Variants in FECH observed in about 807,000 individuals in gnomAD.
FECH encodes ferrochelatase, also known as ferrochelatase, mitochondrial.
FECH carries 40 observed loss-of-function variants against 56.9 expected under a neutral mutation model. The ratio of observed to expected loss-of-function variants is 0.70; its 90% CI spans 0.55 to 0.92. FECH has a LOEUF of 0.92. FECH is among the 40% of genes least tolerant of loss of function. The pLI, the probability that FECH is intolerant of heterozygous loss-of-function variation, is 0.00. For synonymous variants in FECH, 175 were observed against 198.6 expected (o/e 0.88, Z 1.00); for missense variants, 431 against 529.1 (o/e 0.81, Z 1.82).
At chr18:57,551,610 C>T (rs913961715) in intron 9 of FECH, among the ~76,000 whole-genome samples, 2 of 152,170 alleles carry the variant, frequency 1.3e-5, no homozygotes, top group Admixed American at 6.5e-5. Flanking sequence ...TTCCCCATTA[C>T]CTTCCTAAAG....
chr18:57,570,340 A>G (rs760505037), intron 4 of FECH, among the ~76,000 whole-genome samples: 1 of 152,210 alleles, frequency 6.6e-6, no homozygotes, highest in Non-Finnish European at 1.5e-5. Context: ...CCACAGCTTT[A>G]AGCAGGAAGC....
chr18:57,573,740 T>C (rs1364972946), intron 2 of FECH, among the ~76,000 whole-genome samples: 2 of 152,098 alleles, frequency 1.3e-5, no homozygotes, highest in South Asian at 2.1e-4. Flanking sequence ...AATACAGAGG[T>C]TACCTGACCT....
intron 2 of FECH, among the ~76,000 whole-genome samples, chr18:57,575,939 A>G (rs1568152745): frequency 6.6e-6 from 1 of 152,192 alleles, no homozygotes; most frequent in Non-Finnish European, 1.5e-5. Flanking sequence ...TTACAATGAG[A>G]TCAGGGATTT....
In FECH at chr18:57,566,495, T is replaced by C; in HGVS notation, c.550A>G (p.Arg184Gly). 2 of 1,614,218 alleles carry C rather than the reference T, an allele frequency of 1.2e-6. No individual in the cohort carries two copies. The highest frequency in any genetic ancestry group is 1.7e-6 in the Non-Finnish European group (2 of 1,180,034). Residue 184 changes from arginine (R) to glycine (G), a missense_variant, in exon 5 of 11, where the codon AGG (arginine) becomes GGG (glycine). Coordinates refer to ENST00000262093, the MANE Select transcript of FECH (RefSeq NM_000140.5). ...IEEMERDGLE[R>G]AIAFTQYPQY... ...GGATACTGTGTGAAAGCAATAGCCC[T>C]TTCTAGGCCATCTCTCTCCATCTCT...
intron 5 of FECH, among the ~76,000 whole-genome samples, chr18:57,563,968 T>C (rs2050983576): frequency 6.6e-6 from 1 of 152,194 alleles, no homozygotes; most frequent in South Asian, 2.1e-4. Flanking sequence ...AACCTCCAAC[T>C]CTTGGGTTCA....
intron 7 of FECH, among the ~76,000 whole-genome samples, chr18:57,557,198 TG>T (rs1251525240): frequency 1.3e-5 from 2 of 152,250 alleles, no homozygotes. Flanking sequence ...AGAGGGTATA[TG>T]TACTCTTTTA....
chr18:57,554,730 A>T, intron 8 of FECH, 115 bp downstream of exon 8: 1 of 859,096 alleles, frequency 1.2e-6, no homozygotes, highest in Non-Finnish European at 2.0e-6. Context: ...ATGGTGAGCA[A>T]TCAGGTTATG....
chr18:57,547,637 T>C lies in FECH; in HGVS notation c.*3075A>G, dbSNP rs1410524048. Among the ~76,000 whole-genome samples the C allele has an allele frequency of 2.6e-5, 4 of 151,864 alleles. No individual in the cohort carries two copies. The highest frequency in any genetic ancestry group is 5.9e-5 in the Non-Finnish European group (4 of 67,968). ...TGACCCAGTCTCTGTATTTCTTTTC[T>C]TTTTTTTGGTTTTGGGACAGGGTCT... is the stretch of plus-strand genomic sequence containing the variant. On this transcript the variant is annotated 3_prime_UTR_variant, in exon 11 of 11. Coordinates refer to ENST00000262093, the MANE Select transcript of FECH (RefSeq NM_000140.5).
rs1306454480 is a variant in FECH at position 57,544,465 on chromosome 18, A to ACTTT, written c.*6243_*6246dup. ...CAAATAATAATAAAATACACAATAC[A>ACTTT]CTTTCCTACAAATTCCATATAGTCA... On this transcript the variant is annotated 3_prime_UTR_variant, in exon 11 of 11. Coordinates refer to ENST00000262093, the MANE Select transcript of FECH (RefSeq NM_000140.5). 3.3e-5 allele frequency among the ~76,000 whole-genome samples: 5 copies of ACTTT among 152,248 alleles called. No homozygotes were observed. The highest frequency in any genetic ancestry group is 1.2e-4 in the African/African-American group (5 of 41,466).
At chr18:57,568,215 C>T (rs2051044117) in intron 4 of FECH, among the ~76,000 whole-genome samples, 1 of 152,176 alleles carries the variant, frequency 6.6e-6, no homozygotes, top group South Asian at 2.1e-4. Flanking sequence ...ACCGGCTTCT[C>T]GCATTTTCTT....
At chr18:57,574,727 C>T (rs895590260) in intron 2 of FECH, among the ~76,000 whole-genome samples, 1 of 152,232 alleles carries the variant, frequency 6.6e-6, no homozygotes, top group African/African-American at 2.4e-5. Context: ...GAAGACCTTG[C>T]GTGTCCCCAT....
In FECH at chr18:57,545,762, T is replaced by A. The variant is rs2050712806; in HGVS notation, c.*4950A>T. On this transcript the variant is annotated 3_prime_UTR_variant, in exon 11 of 11. Coordinates refer to ENST00000262093, the MANE Select transcript of FECH (RefSeq NM_000140.5). ...TGCATATGGAAAAGAAGCACAACAT[T>A]TAAGGCAAAGATCAGATAATAGCCG... Among the ~76,000 whole-genome samples, 1 of 152,150 alleles carries A rather than the reference T, an allele frequency of 6.6e-6. No homozygotes were observed. Among genetic ancestry groups the A allele is most frequent in the South Asian group, 2.1e-4 (1 of 4,824 alleles).
chr18:57,550,966 G>T, intron 10 of FECH, 120 bp from the exon 11 acceptor site: 3 of 1,353,482 alleles, frequency 2.2e-6, no homozygotes, highest in Non-Finnish European at 2.1e-6. Context: ...CATCCGAGTG[G>T]TGAGCCCTTT....
chr18:57,546,281 C>T lies in FECH; in HGVS notation c.*4431G>A, dbSNP rs539417398. Among the ~76,000 whole-genome samples the T allele has an allele frequency of 2.8e-4, 43 of 152,304 alleles. No individual in the cohort carries two copies. The highest frequency in any genetic ancestry group is 9.1e-4 in the African/African-American group (38 of 41,572). On this transcript the variant is annotated 3_prime_UTR_variant, in exon 11 of 11. Coordinates refer to ENST00000262093, the MANE Select transcript of FECH (RefSeq NM_000140.5). The stretch of plus-strand genomic sequence containing the variant: ...GCCCCCGTGCGCACACATAGACGTT[C>T]GCTTACAGCTGCCAGCTTTAAATTC...
rs990353986 is a variant in FECH at position 57,546,658 on chromosome 18, A to T, written c.*4054T>A. ...ATGGAGTCAAAGGAGATTATTCCGG[A>T]ACTTTAAGATTTATTGAGTAGGCCG... On this transcript the variant is annotated 3_prime_UTR_variant, in exon 11 of 11. Coordinates refer to ENST00000262093, the MANE Select transcript of FECH (RefSeq NM_000140.5). Among the ~76,000 whole-genome samples the T allele has an allele frequency of 2.0e-5, 3 of 152,134 alleles. No individual in the cohort carries two copies. Among genetic ancestry groups the T allele is most frequent in the Non-Finnish European group, 4.4e-5 (3 of 68,020 alleles).
At chr18:57,583,328 T>C (rs1280771284) in intron 1 of FECH, among the ~76,000 whole-genome samples, 3 of 152,182 alleles carry the variant, frequency 2.0e-5, no homozygotes, top group African/African-American at 4.8e-5. Context: ...ACGGGCAGCA[T>C]TGCGTGGCGT....
At position 57,544,534 on chromosome 18, in the gene FECH, C is replaced by T. The variant is rs537988142; in HGVS notation, c.*6178G>A. Among the ~76,000 whole-genome samples, 166 of 152,354 alleles carry T rather than the reference C, an allele frequency of 1.1e-3. 1 individual carries two copies. Among genetic ancestry groups the T allele is most frequent in the African/African-American group, 3.8e-3 (159 of 41,586 alleles). ...CTTTTGTTGATGTTTACCAAGCTCTCGCATCTGCAGCCAACCTATGGTTGC... is the reference window on the plus strand; with the variant it reads ...CTTTTGTTGATGTTTACCAAGCTCTTGCATCTGCAGCCAACCTATGGTTGC... On this transcript the variant is annotated 3_prime_UTR_variant, in exon 11 of 11. Transcript: ENST00000262093.
At position 57,566,486 on chromosome 18, in the gene FECH, C is replaced by T; in HGVS notation, c.559G>A (p.Ala187Thr). The stretch of plus-strand genomic sequence containing the variant: ...CTGTACTGTGGATACTGTGTGAAAG[C>T]AATAGCCCTTTCTAGGCCATCTCTC... ...MERDGLERAI[A>T]FTQYPQYSCS... The change falls in exon 5 of 11, where the codon GCT (alanine) becomes ACT (threonine). Residue 187 changes from alanine to threonine, a missense_variant. Physicochemically the swap from Ala to Thr is moderately conservative, Grantham distance 58. Transcript: ENST00000262093. 1 of 1,614,204 alleles carries T rather than the reference C, an allele frequency of 6.2e-7. No homozygotes were observed. The highest frequency in any genetic ancestry group is 8.5e-7 in the Non-Finnish European group (1 of 1,180,028).
rs1441347171 is a variant in FECH at position 57,547,845 on chromosome 18, A to G, written c.*2867T>C. On this transcript the variant is annotated 3_prime_UTR_variant, in exon 11 of 11. Transcript: ENST00000262093. Reference sequence around the variant, plus strand: ...GAGTCAGGGTCTCCCTATGTTGCCCAGGCTGGTCTTGAACTCTTGGGATCA... The same window carrying G: ...GAGTCAGGGTCTCCCTATGTTGCCCGGGCTGGTCTTGAACTCTTGGGATCA... Among the ~76,000 whole-genome samples the G allele has an allele frequency of 6.6e-6, 1 of 152,164 alleles. No individual in the cohort carries two copies. The highest frequency in any genetic ancestry group is 1.9e-4 in the East Asian group (1 of 5,186).
Sources: allele counts gnomAD v4.1 joint callset (sites outside exome capture counted in the v4.1 genomes callset), GRCh38; gene constraint gnomAD v4.1.1; transcripts MANE v1.5; gene names NCBI Gene and HGNC (gene_info 2026-07-23, HGNC 2026-07-21).